FMNL3: variants seen among roughly 807,000 people sequenced by gnomAD.
FMNL3 encodes formin like 3, also known as formin-like protein 3.
In FMNL3, 57 loss-of-function variants were observed where a neutral mutation model predicts 119.6. The ratio of observed to expected loss-of-function variants is 0.48; its 90% CI spans 0.39 to 0.59. The LOEUF (loss-of-function observed/expected upper bound fraction) is 0.59. FMNL3 is among the 20% of genes least tolerant of loss of function. The pLI is 0.00. For missense variants in FMNL3, 1,053 were observed against 1,323.5 expected (o/e 0.80, Z 3.17); for synonymous variants, 491 against 507.3 (o/e 0.97, Z 0.43).
intron 12 of FMNL3, 105 bp from the exon 13 acceptor site, chr12:49,653,432 A>T: frequency 8.6e-7 from 1 of 1,163,538 alleles, no homozygotes; most frequent in Non-Finnish European, 1.3e-6. Context: ...ACACAAGGCC[A>T]CAAAGGCAGC....
rs1259250211 is a variant in FMNL3 at position 49,639,331 on chromosome 12, C to T, written c.*6484G>A. 6.6e-6 allele frequency: 1 copy of T among 152,192 alleles called. No individual in the cohort carries two copies. Among genetic ancestry groups the T allele is most frequent in the Non-Finnish European group, 1.5e-5 (1 of 68,046 alleles). The allele number at this position is 152,192 out of a possible 1,614,324, so 9.4% of individuals were successfully genotyped here. On this transcript the variant is annotated 3_prime_UTR_variant, in exon 26 of 26. Transcript: ENST00000335154. ...CACTTATCCCCAGACCTCTCTCCTA[C>T]TGTTGGGGCTACTTGGTACAAAAGT...
intron 1 of FMNL3, among the ~76,000 whole-genome samples, chr12:49,693,841 T>C (rs943289662): frequency 6.7e-6 from 1 of 149,312 alleles, no homozygotes; most frequent in Non-Finnish European, 1.5e-5. Context: ...AGAGGCGGGG[T>C]TTCTCTATGT....
In FMNL3 at chr12:49,689,781, T is replaced by C. The variant is rs569022570; in HGVS notation, c.126+17274A>G. 5.9e-5 allele frequency among the ~76,000 whole-genome samples: 9 copies of C among 152,324 alleles called. No homozygotes were observed. In the East Asian group the frequency reaches 1.7e-3, roughly 29 times the overall value. ...CCATCTGTCCTGATCCAAGCTCACA[T>C]CTGTCTATAACTAAACTCCTCTATT... On this transcript the variant is annotated intron_variant, in intron 1 of 25. Coordinates refer to ENST00000335154, the MANE Select transcript of FMNL3 (RefSeq NM_175736.5).
In FMNL3 at chr12:49,636,698, C is replaced by T. The variant is rs1941854617; in HGVS notation, c.*9117G>A. On this transcript the variant is annotated 3_prime_UTR_variant, in exon 26 of 26. Coordinates refer to ENST00000335154, the MANE Select transcript of FMNL3 (RefSeq NM_175736.5). ...TCCTGCTGGGACAATGCCCGCGGAACCTCCTGCCTGTCTTTAGACATGGAC... is the reference window on the plus strand; with the variant it reads ...TCCTGCTGGGACAATGCCCGCGGAATCTCCTGCCTGTCTTTAGACATGGAC... 4.3e-6 allele frequency: 7 copies of T among 1,613,636 alleles called. No homozygotes were observed. Among genetic ancestry groups the T allele is most frequent in the Non-Finnish European group, 5.9e-6 (7 of 1,179,596 alleles).
intron 1 of FMNL3, among the ~76,000 whole-genome samples, chr12:49,696,014 C>A (rs528695072): frequency 3.8e-4 from 58 of 152,126 alleles, no homozygotes; most frequent in African/African-American, 1.4e-3. Context: ...AACCTTTGGC[C>A]GTCACTGCAA....
Position 49,644,082 on chromosome 12 carries a change from G to T in FMNL3, c.*1733C>A. 1 of 1,614,210 alleles carries T rather than the reference G, an allele frequency of 6.2e-7. No homozygotes were observed. The highest frequency in any genetic ancestry group is 8.5e-7 in the Non-Finnish European group (1 of 1,180,038). ...CCTTAGTGCAGGCTAAGGGTGAACTGTGCCTTTGCTCCAACAGACAGGCTG... is the reference window on the plus strand; with the variant it reads ...CCTTAGTGCAGGCTAAGGGTGAACTTTGCCTTTGCTCCAACAGACAGGCTG... On this transcript the variant is annotated 3_prime_UTR_variant, in exon 26 of 26. Transcript: ENST00000335154.
chr12:49,686,644 A>T (rs994339627), intron 1 of FMNL3, among the ~76,000 whole-genome samples: 5 of 151,722 alleles, frequency 3.3e-5, no homozygotes, highest in Non-Finnish European at 7.4e-5. Context: ...CAAAACTCTT[A>T]AAAAAGGCTT....
chr12:49,653,826 A>G lies in FMNL3; in HGVS notation c.1120T>C (p.Tyr374His). 1.2e-6 allele frequency: 2 copies of G among 1,614,218 alleles called. No homozygotes were observed. Among genetic ancestry groups the G allele is most frequent in the Non-Finnish European group, 1.7e-6 (2 of 1,180,042 alleles). ...CCGACATCAAACACGTTGTCCAGAT[A>G]TGCCTGAATCTGCACCTGCAGCTTC... ...SEKLQVQIQA[Y>H]LDNVFDVGGL... The change falls in exon 12 of 26, where the codon TAT becomes CAT. Residue 374 changes from tyrosine (Y) to histidine (H), a missense_variant. Transcript: ENST00000335154.
rs1483142485 is a variant in FMNL3, at chr12:49,661,873, C to A, written c.452+93G>T. ...TGTCCAGGATTCCCATTTCCATCTT[C>A]ATTGTTGAACTCTCACCCTTCCTTA... On this transcript the variant is annotated intron_variant, in intron 5 of 25. Transcript: ENST00000335154. 3 of 1,215,454 alleles carry A rather than the reference C, an allele frequency of 2.5e-6. No homozygotes were observed. In the African/African-American group the frequency reaches 4.5e-5, roughly 18 times the overall value. 75.3% of individuals were successfully genotyped at this position (1,215,454 alleles called of 1,614,324 possible). A position where few individuals can be genotyped will look rare whatever the true frequency, so the allele number is the denominator to read the frequency against.
chr12:49,669,874 C>CAAAAT (rs368277523), intron 1 of FMNL3, among the ~76,000 whole-genome samples: 1 of 151,498 alleles, frequency 6.6e-6, no homozygotes, highest in African/African-American at 2.4e-5. Context: ...CAAAACAAAA[C>CAAAAT]ACACAAACAA....
intron 1 of FMNL3, among the ~76,000 whole-genome samples, chr12:49,692,726 CAT>C (rs1403531667): frequency 6.6e-6 from 1 of 152,164 alleles, no homozygotes; most frequent in Non-Finnish European, 1.5e-5. Flanking sequence ...GATAAGCAAA[CAT>C]AATGTCCCCA....
At chr12:49,657,308 A>G (rs182451756) in intron 6 of FMNL3, 118 bp from the exon 7 acceptor site, 2 of 717,064 alleles carry the variant, frequency 2.8e-6, no homozygotes, top group Non-Finnish European at 2.4e-6. Flanking sequence ...AATAGGGAAT[A>G]GCACCTCGTA....
chr12:49,679,378 G>A (rs1160003031), intron 1 of FMNL3, among the ~76,000 whole-genome samples: 1 of 152,020 alleles, frequency 6.6e-6, no homozygotes, highest in African/African-American at 2.4e-5. Context: ...GGACCAATCA[G>A]TACCATCTCA....
chr12:49,658,730 A>G (rs953640504), intron 5 of FMNL3, 136 bp from the exon 6 acceptor site: 4 of 1,079,620 alleles, frequency 3.7e-6, no homozygotes, highest in Non-Finnish European at 3.9e-6. Context: ...AAGGAGAGAA[A>G]GCAGAACTGG....
Position 49,644,123 on chromosome 12 carries a change from T to C in FMNL3, c.*1692A>G. 1.9e-6 allele frequency: 3 copies of C among 1,614,022 alleles called. No homozygotes were observed. Among genetic ancestry groups the C allele is most frequent in the Non-Finnish European group, 1.7e-6 (2 of 1,179,980 alleles). On this transcript the variant is annotated 3_prime_UTR_variant, in exon 26 of 26. Transcript: ENST00000335154. The stretch of plus-strand genomic sequence containing the variant: ...AGACAGGCTGGGACACGTCAGAAAG[T>C]GAGCTGAGTGAGGGTGAGCTGGAGA...
intron 1 of FMNL3, among the ~76,000 whole-genome samples, 178 bp downstream of exon 1, chr12:49,706,877 G>C (rs372776692): frequency 2.4e-4 from 36 of 152,220 alleles, no homozygotes; most frequent in East Asian, 2.1e-3. Context: ...TCCCCGACGG[G>C]GCTGTCCGGG....
At position 49,644,432 on chromosome 12, in the gene FMNL3, C is replaced by T; in HGVS notation, c.*1383G>A. 1.9e-6 allele frequency: 1 copy of T among 535,406 alleles called. No individual in the cohort carries two copies. The highest frequency in any genetic ancestry group is 2.8e-4 in the Middle Eastern group (1 of 3,552). The allele number at this position is 535,406 out of a possible 1,614,324, so 33.2% of individuals were successfully genotyped here. ...CCAGACCAGAGATGGGTGGTATATG[C>T]CATGTGGGGTGGGTGATGCCAGTAG... On this transcript the variant is annotated 3_prime_UTR_variant, in exon 26 of 26. Transcript: ENST00000335154.
Position 49,642,752 on chromosome 12 carries a change from C to T in FMNL3, c.*3063G>A. 1 of 1,508,382 alleles carries T rather than the reference C, an allele frequency of 6.6e-7. No individual in the cohort carries two copies. Among genetic ancestry groups the T allele is most frequent in the Non-Finnish European group, 9.1e-7 (1 of 1,104,418 alleles). The allele number at this position is 1,508,382 out of a possible 1,614,324, so 93.4% of individuals were successfully genotyped here. A position where few individuals can be genotyped will look rare whatever the true frequency, so the allele number is the denominator to read the frequency against. ...CCAGTTCAACAGAGACCTCAGTGGCCTCCCTCTTACCCTTAGGGCACTCCT... is the reference window on the plus strand; with the variant it reads ...CCAGTTCAACAGAGACCTCAGTGGCTTCCCTCTTACCCTTAGGGCACTCCT... On this transcript the variant is annotated 3_prime_UTR_variant, in exon 26 of 26. Transcript: ENST00000335154. This position sits in a 1 kb window ranked among gnomAD's most constrained non-coding sequence, Gnocchi z 5.8.
intron 1 of FMNL3, among the ~76,000 whole-genome samples, chr12:49,674,991 C>T (rs185829021): frequency 2.6e-5 from 4 of 152,308 alleles, no homozygotes; most frequent in Admixed American, 6.5e-5. Flanking sequence ...ATTATACCCC[C>T]GGGGCCTCTT....
Sources: gnomAD v4.1 joint callset for allele counts (sites outside exome capture counted in the v4.1 genomes callset) on GRCh38, gnomAD v4.1.1 for gene constraint, Gnocchi (gnomAD v3.1) non-coding constraint, MANE v1.5 for transcripts, NCBI Gene and HGNC (gene_info 2026-07-23, HGNC 2026-07-21) for gene names.